Variants in LSAMP observed in about 807,000 individuals in gnomAD.
The protein encoded by LSAMP is limbic system-associated membrane protein.
LSAMP carries 7 observed loss-of-function variants against 38.6 expected under a neutral mutation model. The ratio of observed to expected loss-of-function variants is 0.18; its 90% CI spans 0.10 to 0.34. The LOEUF (loss-of-function observed/expected upper bound fraction) is 0.34, where lower values mean the gene tolerates loss of function less well. Among genes scored for constraint, LSAMP ranks in the 10% least tolerant of loss-of-function variants. LSAMP has a pLI of 1.00. For missense variants in LSAMP, 313 were observed against 420.0 expected (o/e 0.75, Z 2.23); for synonymous variants, 154 against 166.8 (o/e 0.92, Z 0.59).
chr3:115,972,887 T>A (rs1459417547), intron 3 of LSAMP, among the ~76,000 whole-genome samples: 1 of 148,992 alleles, frequency 6.7e-6, no homozygotes, highest in Non-Finnish European at 1.5e-5. Context: ...ATATTATATA[T>A]TATGTATTAT....
chr3:116,426,926 C>G (rs2049204357), intron 1 of LSAMP, among the ~76,000 whole-genome samples: 1 of 150,812 alleles, frequency 6.6e-6, no homozygotes, highest in African/African-American at 2.4e-5. Flanking sequence ...TGCCAAGAAA[C>G]TTGAAAACAA....
intron 1 of LSAMP, among the ~76,000 whole-genome samples, chr3:116,378,055 C>A (rs2048515832): frequency 6.6e-6 from 1 of 151,994 alleles, no homozygotes; most frequent in Non-Finnish European, 1.5e-5. Flanking sequence ...AGAGTGACTT[C>A]CTCAAATTTT....
chr3:115,939,585 T>TCTTTC (rs58450242), intron 3 of LSAMP, among the ~76,000 whole-genome samples: 1 of 150,206 alleles, frequency 6.7e-6, no homozygotes, highest in Admixed American at 6.7e-5. Context: ...TCTTTCTTTC[T>TCTTTC]GTTAAGAGAC....
chr3:116,220,428 G>A (rs924438674), intron 1 of LSAMP, among the ~76,000 whole-genome samples: 1 of 150,994 alleles, frequency 6.6e-6, no homozygotes, highest in Non-Finnish European at 1.5e-5. Flanking sequence ...AAGTACCAAA[G>A]GAAGAGTGGC....
chr3:115,962,683 C>T (rs1938668024), intron 3 of LSAMP, among the ~76,000 whole-genome samples: 1 of 152,156 alleles, frequency 6.6e-6, no homozygotes, highest in African/African-American at 2.4e-5. Flanking sequence ...TAGGTTACTC[C>T]TTGGAAAATT....
chr3:116,200,596 T>G (rs1157783434), intron 1 of LSAMP, among the ~76,000 whole-genome samples: 1 of 152,196 alleles, frequency 6.6e-6, no homozygotes. Context: ...GCTTCAAATA[T>G]TCTTTGTCAT....
At chr3:116,197,094 C>A (rs950535992) in intron 1 of LSAMP, among the ~76,000 whole-genome samples, 2 of 150,764 alleles carry the variant, frequency 1.3e-5, no homozygotes, top group Non-Finnish European at 2.9e-5. Context: ...AAATGGGGGT[C>A]CCCTGGTGAG....
chr3:116,107,198 T>C (rs13091700), intron 1 of LSAMP, among the ~76,000 whole-genome samples: 9,604 of 152,098 alleles, frequency 0.063, 996 homozygotes, highest in African/African-American at 0.22. Context: ...TGTGGGAGGC[T>C]GGATTGAAGT....
chr3:115,867,527 GAGGAGACAC>G (rs1420091660), intron 3 of LSAMP, among the ~76,000 whole-genome samples: 4 of 152,096 alleles, frequency 2.6e-5, no homozygotes, highest in African/African-American at 9.7e-5. Flanking sequence ...CTGAGGGGCA[GAGGAGACAC>G]AGGAAAAGAT....
At chr3:116,149,195 G>T (rs553251598) in intron 1 of LSAMP, among the ~76,000 whole-genome samples, 1 of 151,826 alleles carries the variant, frequency 6.6e-6, no homozygotes, top group South Asian at 2.1e-4. Flanking sequence ...GACTCCAGGA[G>T]ACCCTGCAGT....
chr3:116,145,473 T>C (rs986328970), intron 1 of LSAMP, among the ~76,000 whole-genome samples: 4 of 151,986 alleles, frequency 2.6e-5, no homozygotes, highest in Non-Finnish European at 2.9e-5. Flanking sequence ...AAAGGCAGTC[T>C]GGAAGCAGAA....
At chr3:115,909,358 C>T (rs1030759394) in intron 3 of LSAMP, among the ~76,000 whole-genome samples, 1 of 152,230 alleles carries the variant, frequency 6.6e-6, no homozygotes, top group Non-Finnish European at 1.5e-5. Flanking sequence ...TCATGCTTGT[C>T]TCTGTCTTGA....
rs565656236 is a variant in LSAMP, at chr3:116,014,572, T to C, written c.514+4943A>G. 1.2e-4 allele frequency among the ~76,000 whole-genome samples: 19 copies of C among 152,326 alleles called. No individual in the cohort carries two copies. The South Asian group carries it at 3.9e-3, about 32-fold the overall frequency. ...TTATTCTCTTTTGAATGTTACTGCA[T>C]GGCCAACAGCCTTTACCTGCAAAAT... On this transcript the variant is annotated intron_variant, in intron 3 of 6. Transcript: ENST00000490035.
intron 1 of LSAMP, among the ~76,000 whole-genome samples, chr3:116,170,840 G>T (rs978070017): frequency 6.6e-6 from 1 of 151,780 alleles, no homozygotes; most frequent in Admixed American, 6.6e-5. Flanking sequence ...CACAAGTTGG[G>T]CAGGCTCCAG....
chr3:116,249,283 T>G (rs79207244), intron 1 of LSAMP, among the ~76,000 whole-genome samples: 2,684 of 152,276 alleles, frequency 0.018, 80 homozygotes, highest in African/African-American at 0.06. Context: ...GAACTCTTTA[T>G]CTGATATTTT....
intron 1 of LSAMP, among the ~76,000 whole-genome samples, chr3:116,183,315 C>T (rs551569821): frequency 6.6e-6 from 1 of 151,966 alleles, no homozygotes; most frequent in South Asian, 2.1e-4. Context: ...ATCATGATTG[C>T]ATGCTTATTG....
chr3:116,318,707 A>T (rs972709466), intron 1 of LSAMP, among the ~76,000 whole-genome samples: 1 of 152,242 alleles, frequency 6.6e-6, no homozygotes, highest in African/African-American at 2.4e-5. Context: ...CATAAAAACA[A>T]AAATCAATAC....
chr3:116,295,605 T>C (rs1398926708), intron 1 of LSAMP, among the ~76,000 whole-genome samples: 3 of 152,292 alleles, frequency 2.0e-5, no homozygotes, highest in African/African-American at 7.2e-5. Context: ...TAGTCACAGT[T>C]CTATAGCTCC....
chr3:115,810,257 CTG>C lies in LSAMP; in HGVS notation c.*58_*59del. 1 of 1,170,868 alleles carries C rather than the reference CTG, an allele frequency of 8.5e-7. No individual in the cohort carries two copies. The highest frequency in any genetic ancestry group is 1.2e-6 in the Non-Finnish European group (1 of 811,040). The allele number at this position is 1,170,868 out of a possible 1,614,324, so 72.5% of individuals were successfully genotyped here. A position where few individuals can be genotyped will look rare whatever the true frequency, so the allele number is the denominator to read the frequency against. ...TCTCTCTCTCTCTGTCTCTCTCTCT[CTG>C]TATTCTGTGTGACGCATTTTTGTGT... On this transcript the variant is annotated 3_prime_UTR_variant, in exon 7 of 7. Coordinates refer to ENST00000490035, the MANE Select transcript of LSAMP (RefSeq NM_002338.5).
Sources: gnomAD v4.1 joint callset for allele counts (sites outside exome capture counted in the v4.1 genomes callset) on GRCh38, gnomAD v4.1.1 for gene constraint, MANE v1.5 for transcripts, NCBI Gene and HGNC (gene_info 2026-07-23, HGNC 2026-07-21) for gene names.